The following DSCAM variants were observed in gnomAD, a reference collection of about 807,000 sequenced individuals.
DSCAM encodes DS cell adhesion molecule.
Under a neutral mutation model 217.7 loss-of-function variants are expected in DSCAM, and 47 were observed. The observed-to-expected ratio is 0.22, with a 90% CI of 0.17 to 0.28. The LOEUF is 0.28. Ranked by LOEUF, DSCAM falls within the 10% of genes least tolerant of loss-of-function variation. The pLI, the probability that DSCAM is intolerant of heterozygous loss-of-function variation, is 1.00. For synonymous variants in DSCAM, 1,056 were observed against 1,015.3 expected (o/e 1.04, Z -0.76); for missense variants, 2,080 against 2,618.3 (o/e 0.79, Z 4.49).
chr21:40,455,794 A>C (rs1003279351), intron 3 of DSCAM, among the ~76,000 whole-genome samples: 1 of 152,052 alleles, frequency 6.6e-6, no homozygotes, highest in Non-Finnish European at 1.5e-5. Context: ...CAAAACAAAA[A>C]AACGACATGG....
Position 40,310,086 on chromosome 21 carries a change from C to A in DSCAM, c.2062+1995G>T, listed in dbSNP as rs146246442. 2.6e-4 allele frequency among the ~76,000 whole-genome samples: 40 copies of A among 152,312 alleles called. No individual in the cohort carries two copies. The East Asian group carries it at 5.8e-3, about 22-fold the overall frequency. On this transcript the variant is annotated intron_variant, in intron 9 of 32. Transcript: ENST00000400454. ...CAAATTATTGATGCCTGGGTCCCAC[C>A]TCCAAAGATGGTTATTTAATTGACA...
chr21:40,650,278 T>C (rs2089997281), intron 3 of DSCAM, among the ~76,000 whole-genome samples: 1 of 152,236 alleles, frequency 6.6e-6, no homozygotes, highest in Non-Finnish European at 1.5e-5. Context: ...TTTCCACTTA[T>C]CATTAACTAA....
chr21:40,266,211 A>G (rs948424343), intron 11 of DSCAM, among the ~76,000 whole-genome samples: 3 of 146,608 alleles, frequency 2.0e-5, no homozygotes, highest in African/African-American at 7.9e-5. Flanking sequence ...ATATTTCTCA[A>G]AAGAAGATAT....
chr21:40,356,770 G>C (rs893513972), intron 4 of DSCAM, among the ~76,000 whole-genome samples: 9 of 152,192 alleles, frequency 5.9e-5, no homozygotes, highest in Admixed American at 3.3e-4. Context: ...ATATACAAGA[G>C]AGTAAATTTC....
At chr21:40,483,381 T>C (rs1332170916) in intron 3 of DSCAM, among the ~76,000 whole-genome samples, 1 of 152,230 alleles carries the variant, frequency 6.6e-6, no homozygotes, top group Admixed American at 6.5e-5. Context: ...CTGTGGGTTA[T>C]TTTTAAGTGA....
chr21:40,742,459 C>T (rs1323793556), intron 1 of DSCAM, among the ~76,000 whole-genome samples: 2 of 152,210 alleles, frequency 1.3e-5, no homozygotes, highest in African/African-American at 2.4e-5. Flanking sequence ...CTTCTACAGA[C>T]TCTGAAAGGA....
At chr21:40,425,379 T>A (rs145457693) in intron 3 of DSCAM, among the ~76,000 whole-genome samples, 5 of 151,984 alleles carry the variant, frequency 3.3e-5, no homozygotes, top group African/African-American at 1.2e-4. Context: ...TAACAAAAAT[T>A]ATGAGTGAGA....
chr21:40,754,731 C>T (rs1458313531), intron 1 of DSCAM, among the ~76,000 whole-genome samples: 4 of 152,194 alleles, frequency 2.6e-5, no homozygotes, highest in Non-Finnish European at 4.4e-5. Flanking sequence ...TGACAGGCTC[C>T]AGGCAGGCAC....
chr21:40,800,009 A>G (rs370694134), intron 1 of DSCAM, among the ~76,000 whole-genome samples: 79 of 152,286 alleles, frequency 5.2e-4, no homozygotes, highest in African/African-American at 1.9e-3. Flanking sequence ...TGATTAATAG[A>G]TTAACGAGTC....
In DSCAM at chr21:40,050,473, C is replaced by T. The variant is rs533401799; in HGVS notation, c.5185+1485G>A. On this transcript the variant is annotated intron_variant, in intron 30 of 32. Transcript: ENST00000400454. ...GAGAAGCCAACGGCTGAAGAGATGT[C>T]AAAGCCCTTGAATCTTTTTTTTTTT... 2.0e-5 allele frequency among the ~76,000 whole-genome samples: 3 copies of T among 146,686 alleles called. No homozygotes were observed. The East Asian group carries it at 6.1e-4, about 30-fold the overall frequency.
intron 15 of DSCAM, among the ~76,000 whole-genome samples, chr21:40,172,384 A>G (rs1359291997): frequency 6.6e-6 from 1 of 152,276 alleles, no homozygotes; most frequent in Non-Finnish European, 1.5e-5. Flanking sequence ...TTATGTTTGC[A>G]AAGGTAAAAG....
chr21:40,369,832 GAC>G (rs1395136759), intron 3 of DSCAM, among the ~76,000 whole-genome samples: 8 of 152,074 alleles, frequency 5.3e-5, no homozygotes, highest in Non-Finnish European at 7.4e-5. Flanking sequence ...TATATTCTAT[GAC>G]ACATATCAAT....
At chr21:40,431,172 TAAACTAATTG>T (rs1247350777) in intron 3 of DSCAM, among the ~76,000 whole-genome samples, 1 of 152,250 alleles carries the variant, frequency 6.6e-6, no homozygotes, top group Non-Finnish European at 1.5e-5. Context: ...AACTTCCATC[TAAACTAATTG>T]AAATCTCATG....
intron 3 of DSCAM, among the ~76,000 whole-genome samples, chr21:40,629,157 C>G (rs182193614): frequency 1.6e-4 from 25 of 151,632 alleles, no homozygotes; most frequent in Admixed American, 7.9e-4. Flanking sequence ...AGGATGTTTA[C>G]TCTACTTCTT....
chr21:40,412,595 G>T (rs1016355858), intron 3 of DSCAM, among the ~76,000 whole-genome samples: 1 of 152,136 alleles, frequency 6.6e-6, no homozygotes, highest in Non-Finnish European at 1.5e-5. Flanking sequence ...GGTATCTGGT[G>T]GAAGGAATTT....
intron 3 of DSCAM, among the ~76,000 whole-genome samples, chr21:40,501,504 C>T (rs1202685036): frequency 6.6e-6 from 1 of 152,166 alleles, no homozygotes; most frequent in African/African-American, 2.4e-5. Flanking sequence ...ACTGTCTCCA[C>T]AGAGAATGTA....
At chr21:40,693,264 A>G (rs2090558011) in intron 2 of DSCAM, among the ~76,000 whole-genome samples, 2 of 152,176 alleles carry the variant, frequency 1.3e-5, no homozygotes, top group African/African-American at 2.4e-5. Context: ...GCAACACCCC[A>G]TCTCTACTAA....
chr21:40,412,057 TTC>T (rs969532197), intron 3 of DSCAM, among the ~76,000 whole-genome samples: 1 of 152,156 alleles, frequency 6.6e-6, no homozygotes, highest in Non-Finnish European at 1.5e-5. Context: ...TTGGCATTCA[TTC>T]TCTCTTTGCC....
chr21:40,560,135 AC>A (rs1248085649), intron 3 of DSCAM, among the ~76,000 whole-genome samples: 1 of 152,038 alleles, frequency 6.6e-6, no homozygotes, highest in African/African-American at 2.4e-5. Flanking sequence ...TTAAATTCTC[AC>A]CCACGATTGC....
Sources: allele counts gnomAD v4.1 joint callset (sites outside exome capture counted in the v4.1 genomes callset), GRCh38; gene constraint gnomAD v4.1.1; transcripts MANE v1.5; gene names NCBI Gene and HGNC (gene_info 2026-07-23, HGNC 2026-07-21).